SEMA3B: variants seen among roughly 807,000 people sequenced by gnomAD.
SEMA3B encodes semaphorin 3B, also known as semaphorin-3B.
A neutral mutation model predicts 77.8 loss-of-function variants in SEMA3B; 71 were observed. The ratio of observed to expected loss-of-function variants is 0.91; its 90% CI spans 0.75 to 1.11. The LOEUF is 1.11. Among genes scored for constraint, SEMA3B ranks in the 50% most tolerant of loss-of-function variants. The pLI is 0.00. For synonymous variants in SEMA3B, 470 were observed against 452.9 expected (o/e 1.04, Z -0.48); for missense variants, 968 against 1,056.8 (o/e 0.92, Z 1.17).
In SEMA3B at chr3:50,276,068, C is replaced by T. The variant is rs1701227764; in HGVS notation, c.1845+224C>T. 5.0e-6 allele frequency: 4 copies of T among 798,656 alleles called. No individual in the cohort carries two copies. The highest frequency in any genetic ancestry group is 1.8e-5 in the African/African-American group (1 of 57,104). 49.5% of individuals were successfully genotyped at this position (798,656 alleles called of 1,614,324 possible). On this transcript the variant is annotated intron_variant, in intron 16 of 16. Coordinates refer to ENST00000616701, the MANE Select transcript of SEMA3B (RefSeq NM_001290060.2). This position sits in a 1 kb window ranked among gnomAD's most constrained non-coding sequence, Gnocchi z 5.8. ...GGAGAAGACCCGCCCTCGACCCTCC[C>T]ATTAAGGTCCCTGACCACCCCCCAC...
At position 50,274,581 on chromosome 3, in the gene SEMA3B, A is replaced by G; in HGVS notation, c.1356A>G (p.Thr452=). The part of the protein sequence containing the change: ...DGHYDVLFIG[T]DVGTVLKVIS... ...ACTATGACGTCCTCTTCATTGGCACAGGTCAGGGTCCCTCCACAGCGACCC... is the reference window on the plus strand; with the variant it reads ...ACTATGACGTCCTCTTCATTGGCACGGGTCAGGGTCCCTCCACAGCGACCC... Residue 452 remains threonine (T), a splice_region_variant and synonymous_variant, in exon 11 of 17, where the codon ACA becomes ACG. Transcript: ENST00000616701. The surrounding 1 kb of genome is among the most constrained non-coding windows in gnomAD (Gnocchi z 4.7). The G allele has an allele frequency of 6.6e-7, 1 of 1,525,574 alleles. No individual in the cohort carries two copies. The highest frequency in any genetic ancestry group is 8.8e-7 in the Non-Finnish European group (1 of 1,137,274). 94.5% of individuals were successfully genotyped at this position (1,525,574 alleles called of 1,614,324 possible).
chr3:50,265,596 C>G (rs1700881517), upstream of SEMA3B, among the ~76,000 whole-genome samples: 1 of 152,222 alleles, frequency 6.6e-6, no homozygotes, highest in Admixed American at 6.5e-5. Context: ...GGTCTCTGCC[C>G]ATGGAAGCTC....
upstream of SEMA3B, chr3:50,267,157 G>A (rs1700913605): frequency 6.6e-6 from 1 of 152,278 alleles, no homozygotes; most frequent in South Asian, 2.1e-4. This position sits in a 1 kb window ranked among gnomAD's most constrained non-coding sequence, Gnocchi z 5.7. Flanking sequence ...TGGGTCCTGA[G>A]GGCCCATCCG....
rs1026356871 is a variant in SEMA3B, at chr3:50,271,123, G to A, written c.486G>A (p.Glu162=). The A allele has an allele frequency of 1.3e-6, 2 of 1,584,968 alleles. No homozygotes were observed. The highest frequency in any genetic ancestry group is 1.7e-6 in the Non-Finnish European group (2 of 1,165,740). Residue 162 remains glutamate, a synonymous_variant, in exon 5 of 17, where the codon GAG becomes GAA. Transcript: ENST00000616701. ...PVLRLDPGRI[E]DGKGKSPYDP... is the part of the protein sequence containing the mutation. The stretch of plus-strand genomic sequence containing the variant: ...TCCGGCTGGACCCAGGAAGGATAGA[G>A]GATGGCAAGGGGAAGAGTCCTTATG...
chr3:50,267,307 G>C (rs1473107512), upstream of SEMA3B: 1 of 152,368 alleles, frequency 6.6e-6, no homozygotes, highest in Non-Finnish European at 1.5e-5. The surrounding 1 kb of genome is among the most constrained non-coding windows in gnomAD (Gnocchi z 5.7). Context: ...TGAGATATTG[G>C]AGTCCACGGG....
Position 50,270,668 on chromosome 3 carries a change from G to T in SEMA3B, c.330+173G>T. The stretch of plus-strand genomic sequence containing the variant: ...GTGGGGGCTCGTGTAATTCTTCTGG[G>T]GTGCCTCTGAGTCATGGGAGGCTTT... On this transcript the variant is annotated intron_variant, in intron 3 of 16. Transcript: ENST00000616701. The surrounding 1 kb of genome is among the most constrained non-coding windows in gnomAD (Gnocchi z 4.7). 3.5e-6 allele frequency: 4 copies of T among 1,137,936 alleles called. No homozygotes were observed. The highest frequency in any genetic ancestry group is 4.9e-6 in the Non-Finnish European group (4 of 812,086). 70.5% of individuals were successfully genotyped at this position (1,137,936 alleles called of 1,614,324 possible).
rs782516986 is a variant in SEMA3B, at chr3:50,274,477, C to G, written c.1252C>G (p.Arg418Gly). Residue 418 changes from arginine to glycine, a missense_variant, in exon 11 of 17, where the codon CGC becomes GGC. Arg to Gly is a moderately radical substitution (Grantham distance 125). Coordinates refer to ENST00000616701, the MANE Select transcript of SEMA3B (RefSeq NM_001290060.2). The surrounding 1 kb of genome is among the most constrained non-coding windows in gnomAD (Gnocchi z 4.7). ...MYNSVLPTGG[R>G]PLFLQVGANY... ...CAACTCTGTCCTGCCCACTGGGGGG[C>G]GCCCTCTTTTCCTACAAGTTGGAGC... is the stretch of plus-strand genomic sequence containing the variant. The G allele has an allele frequency of 7.1e-6, 11 of 1,550,436 alleles. No individual in the cohort carries two copies. Among genetic ancestry groups the G allele is most frequent in the Non-Finnish European group, 9.6e-6 (11 of 1,151,204 alleles).
In SEMA3B at chr3:50,275,438, G is replaced by C. The variant is rs782716975; in HGVS notation, c.1628G>C (p.Arg543Pro). The change falls in exon 14 of 17, where the codon CGC becomes CCC. Residue 543 changes from arginine (R) to proline (P), a missense_variant. By Grantham distance (103) the Arg-to-Pro change is moderately radical. Transcript: ENST00000616701. This position sits in a 1 kb window ranked among gnomAD's most constrained non-coding sequence, Gnocchi z 7.5. ...GCCTGGGACGGGGTCGCGTGCACGC[G>C]CTTCCAGCCCAGTGCCAAGAGGTGG... The part of the protein sequence containing the change: ...YCAWDGVACT[R>P]FQPSAKRRFR... The C allele has an allele frequency of 3.7e-6, 6 of 1,606,372 alleles. No individual in the cohort carries two copies. The highest frequency in any genetic ancestry group is 1.7e-5 in the Admixed American group (1 of 59,244).
Position 50,273,400 on chromosome 3 carries a change from CACTGGG to C in SEMA3B, c.770_775del (p.Leu257_Gly258del). 1 of 1,613,812 alleles carries C rather than the reference CACTGGG, an allele frequency of 6.2e-7. No homozygotes were observed. Among genetic ancestry groups the C allele is most frequent in the Non-Finnish European group, 8.5e-7 (1 of 1,179,862 alleles). ...GAGACGGCGGTAGAGGCGGCGCCGG[CACTGGG>C]ACGCCTGTCCGTGTCCCGCGTTGGC... On this transcript the variant is annotated inframe_deletion, in exon 7 of 17. Transcript: ENST00000616701. The surrounding 1 kb of genome is among the most constrained non-coding windows in gnomAD (Gnocchi z 6.5).
At position 50,275,131 on chromosome 3, in the gene SEMA3B, G is replaced by A; in HGVS notation, c.1491+78G>A. On this transcript the variant is annotated intron_variant, in intron 13 of 16. Coordinates refer to ENST00000616701, the MANE Select transcript of SEMA3B (RefSeq NM_001290060.2). This position sits in a 1 kb window ranked among gnomAD's most constrained non-coding sequence, Gnocchi z 7.5. Reference sequence around the variant, plus strand: ...GCGTCCCAAGCCTCTGGCCCCTTTTGGTAGTTTGCAGTCCCGGGTTTGAGT... The same window carrying A: ...GCGTCCCAAGCCTCTGGCCCCTTTTAGTAGTTTGCAGTCCCGGGTTTGAGT... 6.7e-7 allele frequency: 1 copy of A among 1,502,066 alleles called. No homozygotes were observed. Among genetic ancestry groups the A allele is most frequent in the Non-Finnish European group, 8.9e-7 (1 of 1,123,358 alleles). 93.0% of individuals were successfully genotyped at this position (1,502,066 alleles called of 1,614,324 possible).
At position 50,273,713 on chromosome 3, in the gene SEMA3B, G is replaced by T. The variant is rs1553705874; in HGVS notation, c.923-46G>T. ...GGCGCAGACTCCGGGAGCCCCCGCC[G>T]CAGCGGGGCTGTGCGCCCTACCCCA... On this transcript the variant is annotated intron_variant, in intron 8 of 16. Coordinates refer to ENST00000616701, the MANE Select transcript of SEMA3B (RefSeq NM_001290060.2). This position sits in a 1 kb window ranked among gnomAD's most constrained non-coding sequence, Gnocchi z 6.5. The T allele has an allele frequency of 6.2e-7, 1 of 1,603,194 alleles. No homozygotes were observed. Among genetic ancestry groups the T allele is most frequent in the African/African-American group, 1.3e-5 (1 of 74,856 alleles).
rs1700974856 is a variant in SEMA3B at position 50,269,180 on chromosome 3, G to C, written c.-61G>C. 1.6e-6 allele frequency: 2 copies of C among 1,244,010 alleles called. No individual in the cohort carries two copies. The highest frequency in any genetic ancestry group is 4.0e-5 in the Admixed American group (2 of 50,468). 77.1% of individuals were successfully genotyped at this position (1,244,010 alleles called of 1,614,324 possible). A position where few individuals can be genotyped will look rare whatever the true frequency, so the allele number is the denominator to read the frequency against. ...TTCCAGATCCTGGGGCAGAGTCCAG[G>C]GCAGCTCAAGGCTCCTCCACACACA... On this transcript the variant is annotated 5_prime_UTR_variant, in exon 1 of 17. Coordinates refer to ENST00000616701, the MANE Select transcript of SEMA3B (RefSeq NM_001290060.2). This position sits in a 1 kb window ranked among gnomAD's most constrained non-coding sequence, Gnocchi z 4.0.
chr3:50,265,804 C>T (rs1687658645), upstream of SEMA3B, among the ~76,000 whole-genome samples: 1 of 152,196 alleles, frequency 6.6e-6, no homozygotes, highest in Admixed American at 6.5e-5. Context: ...GGCCCCTACC[C>T]ATGGCCTGGC....
upstream of SEMA3B, among the ~76,000 whole-genome samples, chr3:50,264,246 G>A (rs1553704239): frequency 2.0e-5 from 3 of 152,082 alleles, no homozygotes; most frequent in African/African-American, 7.2e-5. Context: ...TGGGGTGAGG[G>A]GCACAGCAAA....
chr3:50,263,800 T>C (rs587682355), upstream of SEMA3B, among the ~76,000 whole-genome samples: 1 of 149,566 alleles, frequency 6.7e-6, no homozygotes, highest in South Asian at 2.1e-4. Context: ...GACTGAGGAG[T>C]CCCCACCCAG....
upstream of SEMA3B, among the ~76,000 whole-genome samples, chr3:50,264,624 G>A (rs1700870757): frequency 1.3e-5 from 2 of 152,222 alleles, no homozygotes; most frequent in African/African-American, 4.8e-5. Context: ...GTACTCCTGG[G>A]AGGCTCTCCC....
chr3:50,268,464 C>T (rs1032687462), upstream of SEMA3B, among the ~76,000 whole-genome samples: 2 of 152,250 alleles, frequency 1.3e-5, no homozygotes, highest in Non-Finnish European at 2.9e-5. Context: ...CACATATGTA[C>T]TGCATGGATT....
In SEMA3B at chr3:50,276,105, A is replaced by C; in HGVS notation, c.1846-197A>C. ...TGACCACCCCCCACCAAGTTCATGT[A>C]AACCCCGCCTCTTTCGGATTCTCCC... On this transcript the variant is annotated intron_variant, in intron 16 of 16. Transcript: ENST00000616701. This position sits in a 1 kb window ranked among gnomAD's most constrained non-coding sequence, Gnocchi z 5.8. 1 of 781,380 alleles carries C rather than the reference A, an allele frequency of 1.3e-6. No homozygotes were observed. The highest frequency in any genetic ancestry group is 1.9e-6 in the Non-Finnish European group (1 of 531,678). 48.4% of individuals were successfully genotyped at this position (781,380 alleles called of 1,614,324 possible). A position where few individuals can be genotyped will look rare whatever the true frequency, so the allele number is the denominator to read the frequency against.
In SEMA3B at chr3:50,275,958, C is replaced by T; in HGVS notation, c.1845+114C>T. 1 of 1,358,616 alleles carries T rather than the reference C, an allele frequency of 7.4e-7. No homozygotes were observed. Among genetic ancestry groups the T allele is most frequent in the Non-Finnish European group, 9.7e-7 (1 of 1,028,074 alleles). The allele number at this position is 1,358,616 out of a possible 1,614,324, so 84.2% of individuals were successfully genotyped here. A position where few individuals can be genotyped will look rare whatever the true frequency, so the allele number is the denominator to read the frequency against. On this transcript the variant is annotated intron_variant, in intron 16 of 16. Transcript: ENST00000616701. This position sits in a 1 kb window ranked among gnomAD's most constrained non-coding sequence, Gnocchi z 7.5. Reference sequence around the variant, plus strand: ...AACCAGACCCACTCCCCGCCCTGTCCAGTTTGGTCCCTCACCTGCACTCCA... The same window carrying T: ...AACCAGACCCACTCCCCGCCCTGTCTAGTTTGGTCCCTCACCTGCACTCCA...
Sources: allele counts gnomAD v4.1 joint callset (sites outside exome capture counted in the v4.1 genomes callset), GRCh38; gene constraint gnomAD v4.1.1; non-coding constraint Gnocchi (gnomAD v3.1); transcripts MANE v1.5; gene names NCBI Gene and HGNC (gene_info 2026-07-23, HGNC 2026-07-21).